The following DLGAP2 variants were observed in gnomAD, a reference collection of about 807,000 sequenced individuals.
DLGAP2 encodes disks large-associated protein 2.
A neutral mutation model predicts 100.3 loss-of-function variants in DLGAP2; 26 were observed. The ratio of observed to expected loss-of-function variants is 0.26; its 90% CI spans 0.19 to 0.36. The LOEUF is 0.36. Among genes scored for constraint, DLGAP2 ranks in the 10% least tolerant of loss-of-function variants. The pLI is 1.00. For missense variants in DLGAP2, 1,858 were observed against 1,453.2 expected, an observed-to-expected ratio of 1.28 and a Z score of -4.53; for synonymous variants, 886 against 630.1, an observed-to-expected ratio of 1.41 and a Z score of -6.08.
intron 2 of DLGAP2, chr8:1,246,740 A>T (rs1798909521): frequency 6.6e-6 from 1 of 152,312 alleles, no homozygotes; most frequent in Admixed American, 6.5e-5. Context: ...TCGCCACGCA[A>T]GGGACATGCC....
chr8:810,222 T>C (rs1318505153), intron 1 of DLGAP2, among the ~76,000 whole-genome samples: 1 of 152,258 alleles, frequency 6.6e-6, no homozygotes, highest in East Asian at 1.9e-4. Context: ...TTTGCAGCTT[T>C]CCTCCGTCTT....
At chr8:852,819 T>G (rs1213403038) in intron 1 of DLGAP2, among the ~76,000 whole-genome samples, 1 of 152,234 alleles carries the variant, frequency 6.6e-6, no homozygotes, top group African/African-American at 2.4e-5. Context: ...ACGTCCTTGA[T>G]GTAGAATTAC....
At position 1,376,529 on chromosome 8, in the gene DLGAP2, G is replaced by A. The variant is rs10094070; in HGVS notation, c.106+117646G>A. Among the ~76,000 whole-genome samples the A allele has an allele frequency of 9.2e-5, 14 of 152,330 alleles. No individual in the cohort carries two copies. The East Asian group carries it at 9.6e-4, about 10-fold the overall frequency. ...GAGGCCGTGCTGGTACAATTGAGGC[G>A]CTTTCAGAAGAAGACGCTCCCTTTC... On this transcript the variant is annotated intron_variant, in intron 3 of 14. Coordinates refer to ENST00000637795, the MANE Select transcript of DLGAP2 (RefSeq NM_001346810.2).
intron 2 of DLGAP2, among the ~76,000 whole-genome samples, chr8:1,104,707 G>GT (rs113402200): frequency 0.1 from 15,608 of 152,154 alleles, 905 homozygotes; most frequent in East Asian, 0.19. Flanking sequence ...GCACTGAGGG[G>GT]TTGGGGTCCC....
At chr8:1,517,961 T>A (rs747277771) in intron 4 of DLGAP2, among the ~76,000 whole-genome samples, 16 of 152,224 alleles carry the variant, frequency 1.1e-4, no homozygotes, top group Non-Finnish European at 2.4e-4. Flanking sequence ...GTGCTCATCG[T>A]CAGTAACACA....
intron 4 of DLGAP2, among the ~76,000 whole-genome samples, chr8:1,520,316 C>T (rs1390303563): frequency 6.6e-6 from 1 of 152,112 alleles, no homozygotes; most frequent in Non-Finnish European, 1.5e-5. Context: ...ATCGGGGAAC[C>T]CAGAAAGTAT....
chr8:1,223,778 G>C (rs1290319580), intron 2 of DLGAP2, among the ~76,000 whole-genome samples: 1 of 152,138 alleles, frequency 6.6e-6, no homozygotes, highest in Non-Finnish European at 1.5e-5. Flanking sequence ...CAACCTGTCG[G>C]AATCTCAAGG....
chr8:1,302,743 G>C (rs1283379192), intron 3 of DLGAP2: 1 of 152,280 alleles, frequency 6.6e-6, no homozygotes, highest in Non-Finnish European at 1.5e-5. Context: ...GAGGTCGAAG[G>C]GAAGGGCTCT....
chr8:986,186 G>A (rs1033578369), intron 2 of DLGAP2, among the ~76,000 whole-genome samples: 1 of 152,152 alleles, frequency 6.6e-6, no homozygotes, highest in African/African-American at 2.4e-5. Context: ...AGAGGCTTCC[G>A]GAAGCTCTTG....
chr8:1,053,100 G>A (rs892678873), intron 2 of DLGAP2, among the ~76,000 whole-genome samples: 2 of 152,298 alleles, frequency 1.3e-5, no homozygotes, highest in African/African-American at 4.8e-5. Context: ...GTGCTTTGCC[G>A]TTTGCAATTT....
At chr8:1,565,549 C>G in intron 5 of DLGAP2, 134 bp from the exon 6 acceptor site, 1 of 698,234 alleles carries the variant, frequency 1.4e-6, no homozygotes, top group Non-Finnish European at 2.3e-6. Flanking sequence ...TTTTATACAT[C>G]TGACTTTAAC....
chr8:1,438,379 G>T (rs1362998307), intron 3 of DLGAP2, among the ~76,000 whole-genome samples: 1 of 152,066 alleles, frequency 6.6e-6, no homozygotes, highest in South Asian at 2.1e-4. Context: ...CATCAGATTC[G>T]CTGCTTAGGA....
intron 2 of DLGAP2, among the ~76,000 whole-genome samples, chr8:1,088,489 CTCTG>C (rs1804052101): frequency 6.6e-6 from 1 of 152,204 alleles, no homozygotes; most frequent in Non-Finnish European, 1.5e-5. Context: ...TTTAGTCTTT[CTCTG>C]TCTGTTTTTC....
intron 2 of DLGAP2, among the ~76,000 whole-genome samples, chr8:927,990 A>C (rs929387781): frequency 6.6e-6 from 1 of 152,198 alleles, no homozygotes; most frequent in African/African-American, 2.4e-5. Context: ...AGAGGGAAGC[A>C]CGTGTGTGCA....
At chr8:1,367,776 T>C (rs774917363) in intron 3 of DLGAP2, among the ~76,000 whole-genome samples, 8 of 152,348 alleles carry the variant, frequency 5.3e-5, no homozygotes, top group Non-Finnish European at 1.0e-4. Context: ...ATCACTCTGT[T>C]GTGTATTTAC....
At chr8:1,514,235 C>A (rs1007649402) in intron 4 of DLGAP2, among the ~76,000 whole-genome samples, 1 of 152,262 alleles carries the variant, frequency 6.6e-6, no homozygotes, top group Non-Finnish European at 1.5e-5. Context: ...CAAATGTCCT[C>A]TTTCTGCCTG....
intron 1 of DLGAP2, among the ~76,000 whole-genome samples, chr8:804,028 G>T (rs1390859125): frequency 6.6e-6 from 1 of 152,112 alleles, no homozygotes; most frequent in Non-Finnish European, 1.5e-5. Flanking sequence ...GTGGATTTTA[G>T]ATTTATATGG....
At chr8:1,293,112 G>A (rs910011920) in intron 3 of DLGAP2, among the ~76,000 whole-genome samples, 4 of 152,174 alleles carry the variant, frequency 2.6e-5, no homozygotes, top group African/African-American at 7.2e-5. Flanking sequence ...AGCAGGGTCT[G>A]CATTTTCAAT....
intron 2 of DLGAP2, among the ~76,000 whole-genome samples, chr8:970,100 A>T (rs1799976799): frequency 6.6e-6 from 1 of 152,074 alleles, no homozygotes; most frequent in East Asian, 1.9e-4. Context: ...CTGCTCATTA[A>T]CCTAAAGAAA....
Sources: allele counts gnomAD v4.1 joint callset (sites outside exome capture counted in the v4.1 genomes callset), GRCh38; gene constraint gnomAD v4.1.1; transcripts MANE v1.5; gene names NCBI Gene and HGNC (gene_info 2026-07-23, HGNC 2026-07-21).